Variants in INTS3 observed in about 807,000 individuals in gnomAD.
INTS3 encodes integrator complex subunit 3.
A neutral mutation model predicts 146.3 loss-of-function variants in INTS3; 34 were observed. The ratio of observed to expected loss-of-function variants is 0.23; its 90% confidence interval spans 0.18 to 0.31. The LOEUF (loss-of-function observed/expected upper bound fraction) is 0.31, where lower values mean the gene tolerates loss of function less well. INTS3 is among the 10% of genes least tolerant of loss of function. The pLI, the probability that INTS3 is intolerant of heterozygous loss-of-function variation, is 1.00. For synonymous variants in INTS3, 475 were observed against 494.9 expected, an observed-to-expected ratio of 0.96 and a Z score of 0.53; for missense variants, 757 against 1,304.2, an observed-to-expected ratio of 0.58 and a Z score of 6.46.
intron 3 of INTS3, among the ~76,000 whole-genome samples, chr1:153,742,478 CTGTGTG>C (rs35008806): frequency 3.3e-4 from 49 of 147,528 alleles, no homozygotes; most frequent in East Asian, 1.8e-3. Context: ...TTTTTAATCT[CTGTGTG>C]TGTGTGTGTG....
chr1:153,761,370 T>TTC, intron 13 of INTS3, 200 bp from the exon 14 acceptor site: 1 of 538,328 alleles, frequency 1.9e-6, no homozygotes, highest in Non-Finnish European at 3.3e-6. Flanking sequence ...ATTAGCCAGG[T>TTC]GTGATGGTGC....
chr1:153,772,828 G>A lies in INTS3; in HGVS notation c.2895-97G>A. On this transcript the variant is annotated intron_variant, in intron 28 of 29. Coordinates refer to ENST00000318967, the MANE Select transcript of INTS3 (RefSeq NM_023015.5). The surrounding 1 kb of genome is among the most constrained non-coding windows in gnomAD (Gnocchi z 4.6). ...CAAGACCTTAGGGTCCAGGGTTGAAGAAAAAGAAGGCCTAGGCCTGGGGGC... is the reference window on the plus strand; with the variant it reads ...CAAGACCTTAGGGTCCAGGGTTGAAAAAAAAGAAGGCCTAGGCCTGGGGGC... 6.3e-7 allele frequency: 1 copy of A among 1,586,352 alleles called. No individual in the cohort carries two copies. The highest frequency in any genetic ancestry group is 8.6e-7 in the Non-Finnish European group (1 of 1,163,720).
At chr1:153,765,433 G>T (rs1029436872) in intron 20 of INTS3, among the ~76,000 whole-genome samples, 4 of 151,956 alleles carry the variant, frequency 2.6e-5, no homozygotes, top group Admixed American at 2.6e-4. Flanking sequence ...TCAAGTGATG[G>T]TCCTGCTTCA....
chr1:153,750,044 G>A (rs867730418), intron 6 of INTS3, among the ~76,000 whole-genome samples: 2 of 152,192 alleles, frequency 1.3e-5, no homozygotes, highest in Admixed American at 6.5e-5. Context: ...GGGCTGTGGA[G>A]TTAAAAGGTA....
chr1:153,770,094 T>C, intron 23 of INTS3, 104 bp from the exon 24 acceptor site: 2 of 449,112 alleles, frequency 4.5e-6, no homozygotes, highest in Non-Finnish European at 7.8e-6. Flanking sequence ...TGTGTGTGTG[T>C]GTGTGTGTGC....
chr1:153,764,355 CTCA>C (rs1672496302), intron 18 of INTS3, 134 bp downstream of exon 18: 1 of 663,718 alleles, frequency 1.5e-6, no homozygotes, highest in Non-Finnish European at 2.7e-6. Context: ...CATGTACCAA[CTCA>C]TTTAAACAAG....
At chr1:153,744,550 A>T (rs1187516941) in intron 3 of INTS3, among the ~76,000 whole-genome samples, 1 of 152,168 alleles carries the variant, frequency 6.6e-6, no homozygotes, top group Admixed American at 6.5e-5. Flanking sequence ...AGAGGGAGTC[A>T]TTCTCTTTTG....
chr1:153,731,164 C>T (rs977036957), intron 1 of INTS3, among the ~76,000 whole-genome samples: 22 of 151,960 alleles, frequency 1.4e-4, no homozygotes, highest in Admixed American at 5.3e-4. Context: ...TCATTTAACA[C>T]GCCCACAAGA....
In INTS3 at chr1:153,728,132, C is replaced by A; in HGVS notation, c.-503C>A. The A allele has an allele frequency of 2.6e-6, 1 of 389,126 alleles. No homozygotes were observed. The highest frequency in any genetic ancestry group is 4.5e-6 in the Non-Finnish European group (1 of 220,788). The allele number at this position is 389,126 out of a possible 1,614,324, so 24.1% of individuals were successfully genotyped here. A position where few individuals can be genotyped will look rare whatever the true frequency, so the allele number is the denominator to read the frequency against. ...TGGTCCTCCCCGTCCTCCCATAGCG[C>A]TTATTGCCTCACCCTCACCCCCTAG... On this transcript the variant is annotated 5_prime_UTR_variant, in exon 1 of 30. Transcript: ENST00000318967.
chr1:153,758,124 C>T (rs1458475787), intron 10 of INTS3, among the ~76,000 whole-genome samples: 1 of 152,214 alleles, frequency 6.6e-6, no homozygotes, highest in Non-Finnish European at 1.5e-5. Context: ...ACCCTCACCA[C>T]CATGCCTTTT....
intron 1 of INTS3, among the ~76,000 whole-genome samples, chr1:153,732,611 ACT>A (rs1671116118): frequency 6.6e-6 from 1 of 151,692 alleles, no homozygotes; most frequent in Admixed American, 6.6e-5. Flanking sequence ...ACACCCAGCT[ACT>A]TTTTTTGCAT....
At chr1:153,752,248 T>G in intron 7 of INTS3, 31 bp from the exon 8 acceptor site, 1 of 1,609,206 alleles carries the variant, frequency 6.2e-7, no homozygotes, top group Non-Finnish European at 8.5e-7. Flanking sequence ...TTATTCTCTT[T>G]CCTGTCCCCC....
chr1:153,757,478 A>G lies in INTS3; in HGVS notation c.958-94A>G. ...ATGAATTGTGGAGAAATAGAGGTCT[A>G]GGGCAAACCTAGAGTTAAGTGGTGC... On this transcript the variant is annotated intron_variant, in intron 9 of 29. Transcript: ENST00000318967. The surrounding 1 kb of genome is among the most constrained non-coding windows in gnomAD (Gnocchi z 4.0). The G allele has an allele frequency of 9.6e-7, 1 of 1,043,614 alleles. No individual in the cohort carries two copies. The highest frequency in any genetic ancestry group is 1.4e-6 in the Non-Finnish European group (1 of 691,366). 64.6% of individuals were successfully genotyped at this position (1,043,614 alleles called of 1,614,324 possible). A position where few individuals can be genotyped will look rare whatever the true frequency, so the allele number is the denominator to read the frequency against.
intron 2 of INTS3, 26 bp from the exon 3 acceptor site, chr1:153,741,259 G>GTTTGTTTTCCT: frequency 6.3e-7 from 1 of 1,579,646 alleles, no homozygotes; most frequent in Non-Finnish European, 8.7e-7. Flanking sequence ...GTGACAACTA[G>GTTTGTTTTCCT]TTTGTTTTCC....
intron 15 of INTS3, 127 bp from the exon 16 acceptor site, chr1:153,763,106 C>A: frequency 1.6e-6 from 2 of 1,257,100 alleles, no homozygotes; most frequent in Non-Finnish European, 2.3e-6. Context: ...GCTTCAGGCA[C>A]TCACACAGCA....
chr1:153,765,908 A>C (rs1672561857), intron 20 of INTS3, among the ~76,000 whole-genome samples: 1 of 152,136 alleles, frequency 6.6e-6, no homozygotes, highest in African/African-American at 2.4e-5. Flanking sequence ...TTATACAACT[A>C]TCACTACTAT....
rs139957354 is a variant in INTS3 at position 153,769,867 on chromosome 1, G to A, written c.2389+23G>A. The A allele has an allele frequency of 4.0e-3, 6,009 of 1,519,428 alleles. 35 individuals are homozygous for A. The highest frequency in any genetic ancestry group is 0.013 in the Middle Eastern group (74 of 5,900). 94.1% of individuals were successfully genotyped at this position (1,519,428 alleles called of 1,614,324 possible). ...TCAGTAAGTGATCAAATCTTTAGGT[G>A]CCTGGGAGAGGAGAGGAGGGCAGGG... On this transcript the variant is annotated intron_variant, in intron 23 of 29. Transcript: ENST00000318967.
chr1:153,744,348 T>C (rs1671649877), intron 3 of INTS3, among the ~76,000 whole-genome samples: 1 of 152,242 alleles, frequency 6.6e-6, no homozygotes, highest in Non-Finnish European at 1.5e-5. Flanking sequence ...TAGTTAGTAA[T>C]GTCTGTCTTT....
chr1:153,730,033 G>T (rs1671005844), intron 1 of INTS3, among the ~76,000 whole-genome samples: 1 of 152,130 alleles, frequency 6.6e-6, no homozygotes, highest in Non-Finnish European at 1.5e-5. Flanking sequence ...TCAGCTATTA[G>T]AGGGTGGGCA....
Sources: gnomAD v4.1 joint callset for allele counts (sites outside exome capture counted in the v4.1 genomes callset) on GRCh38, gnomAD v4.1.1 for gene constraint, Gnocchi (gnomAD v3.1) non-coding constraint, MANE v1.5 for transcripts, NCBI Gene and HGNC (gene_info 2026-07-23, HGNC 2026-07-21) for gene names.